MYCBP2: variants seen among roughly 807,000 people sequenced by gnomAD.
MYCBP2 encodes E3 ubiquitin-protein ligase MYCBP2.
In MYCBP2, 120 loss-of-function variants were observed where a neutral mutation model predicts 525.3. The observed-to-expected ratio is 0.23, with a 90% CI of 0.20 to 0.27. The LOEUF is 0.27. Among genes scored for constraint, MYCBP2 ranks in the 10% least tolerant of loss-of-function variants. MYCBP2 has a pLI of 1.00. For synonymous variants in MYCBP2, 1,894 were observed against 1,955.8 expected (o/e 0.97, Z 0.83); for missense variants, 4,149 against 5,657.1 (o/e 0.73, Z 8.55).
At chr13:77,235,660 T>C (rs1042861087) in intron 17 of MYCBP2, among the ~76,000 whole-genome samples, 1 of 152,124 alleles carries the variant, frequency 6.6e-6, no homozygotes, top group African/African-American at 2.4e-5. Flanking sequence ...CTGGGAACCC[T>C]TGATAAACAA....
chr13:77,047,321 T>A (rs751445208), intron 82 of MYCBP2, among the ~76,000 whole-genome samples: 1 of 152,214 alleles, frequency 6.6e-6, no homozygotes, highest in African/African-American at 2.4e-5. Flanking sequence ...GATTCTTAGA[T>A]ACCTCATCTT....
intron 14 of MYCBP2, among the ~76,000 whole-genome samples, chr13:77,255,193 GT>G (rs1341157013): frequency 6.6e-6 from 1 of 151,840 alleles, no homozygotes; most frequent in African/African-American, 2.4e-5. Flanking sequence ...AAAAATCTAT[GT>G]TTTCCATAGT....
intron 82 of MYCBP2, among the ~76,000 whole-genome samples, chr13:77,047,979 C>T (rs867809131): frequency 3.3e-5 from 5 of 152,254 alleles, no homozygotes; most frequent in East Asian, 1.9e-4. Flanking sequence ...ATTAAACTTT[C>T]GCTCTAACCT....
chr13:77,100,569 G>C (rs1185524171), intron 55 of MYCBP2, among the ~76,000 whole-genome samples: 1 of 152,084 alleles, frequency 6.6e-6, no homozygotes, highest in Admixed American at 6.6e-5. Context: ...GCAAGGGTTA[G>C]ATGCTTGCAA....
rs1281020862 is a variant in MYCBP2, at chr13:77,055,797, G to T, written c.13438-30C>A. The T allele has an allele frequency of 5.9e-6, 9 of 1,519,028 alleles. No individual in the cohort carries two copies. The Admixed American group carries it at 1.2e-4, about 21-fold the overall frequency. The allele number at this position is 1,519,028 out of a possible 1,614,324, so 94.1% of individuals were successfully genotyped here. A position where few individuals can be genotyped will look rare whatever the true frequency, so the allele number is the denominator to read the frequency against. ...AATAAAAAATGAACACTCTTTAGCA[G>T]AATCATTTATTAACCAACTCAACAA... On this transcript the variant is annotated intron_variant, in intron 79 of 82. Coordinates refer to ENST00000544440, the MANE Select transcript of MYCBP2 (RefSeq NM_015057.5).
At chr13:77,234,559 T>A in intron 17 of MYCBP2, among the ~76,000 whole-genome samples, 1 of 152,120 alleles carries the variant, frequency 6.6e-6, no homozygotes, top group African/African-American at 2.4e-5. Flanking sequence ...ATGAATAACA[T>A]ATTCTATGAC....
Position 77,326,456 on chromosome 13 carries a change from G to T in MYCBP2, c.302+18C>A. ...AAGGGCGGCATGGGGCGCAAGGAAG[G>T]GCACCCTGGGGACGCACCTGGAGGC... On this transcript the variant is annotated intron_variant, in intron 1 of 82. Coordinates refer to ENST00000544440, the MANE Select transcript of MYCBP2 (RefSeq NM_015057.5). This position sits in a 1 kb window ranked among gnomAD's most constrained non-coding sequence, Gnocchi z 4.2. The T allele has an allele frequency of 1.3e-6, 2 of 1,533,720 alleles. No individual in the cohort carries two copies. Among genetic ancestry groups the T allele is most frequent in the South Asian group, 1.2e-5 (1 of 82,504 alleles).
chr13:77,149,826 T>C (rs2056189606), intron 47 of MYCBP2, among the ~76,000 whole-genome samples: 1 of 152,220 alleles, frequency 6.6e-6, no homozygotes, highest in Admixed American at 6.5e-5. Flanking sequence ...GAATCTATCC[T>C]CATTGACAAC....
chr13:77,051,566 A>C (rs2036822722), intron 81 of MYCBP2, among the ~76,000 whole-genome samples: 1 of 152,242 alleles, frequency 6.6e-6, no homozygotes, highest in Non-Finnish European at 1.5e-5. Context: ...AACTAAGAAA[A>C]TAAGAAAATT....
At chr13:77,085,100 C>A (rs2044002529) in intron 62 of MYCBP2, among the ~76,000 whole-genome samples, 1 of 152,032 alleles carries the variant, frequency 6.6e-6, no homozygotes, top group East Asian at 1.9e-4. Context: ...CTGGCTGTTT[C>A]ATCGTAACTA....
intron 77 of MYCBP2, 87 bp downstream of exon 77, chr13:77,059,436 C>T (rs1000138145): frequency 4.4e-5 from 43 of 981,016 alleles, no homozygotes; most frequent in Middle Eastern, 4.3e-4. Flanking sequence ...GCTGGAGTGA[C>T]GCTGAGCTAA....
At position 77,163,896 on chromosome 13, in the gene MYCBP2, G is replaced by A. The variant is rs376118942; in HGVS notation, c.6547+558C>T. On this transcript the variant is annotated intron_variant, in intron 43 of 82. Coordinates refer to ENST00000544440, the MANE Select transcript of MYCBP2 (RefSeq NM_015057.5). ...TCTCCTGGTTTCTCTCCTCTTCACT[G>A]ACTGTTCCTTCACAGTCTCATCTGC... 6.6e-5 allele frequency among the ~76,000 whole-genome samples: 10 copies of A among 152,198 alleles called. No homozygotes were observed. The East Asian group carries it at 1.2e-3, about 18-fold the overall frequency.
chr13:77,176,019 C>T (rs1465254465), intron 36 of MYCBP2, among the ~76,000 whole-genome samples: 1 of 142,898 alleles, frequency 7.0e-6, no homozygotes, highest in Non-Finnish European at 1.5e-5. Flanking sequence ...AACAAAAACA[C>T]TTTTTTTTTT....
At chr13:77,162,408 T>C (rs145814887) in intron 43 of MYCBP2, among the ~76,000 whole-genome samples, 3 of 152,350 alleles carry the variant, frequency 2.0e-5, no homozygotes, top group African/African-American at 7.2e-5. Context: ...CTTTATTAGT[T>C]AATATAGAAC....
rs2046083519 is a variant in MYCBP2, at chr13:77,095,348, A to AT, written c.10199+9dup. ...AAGGTGATTAAAAAACAACAGCAAA[A>AT]TTTTATTACCTAGCTAATGTCTGCA... On this transcript the variant is annotated intron_variant, in intron 58 of 82. Coordinates refer to ENST00000544440, the MANE Select transcript of MYCBP2 (RefSeq NM_015057.5). 6.2e-7 allele frequency: 1 copy of AT among 1,612,498 alleles called. No individual in the cohort carries two copies. Among genetic ancestry groups the AT allele is most frequent in the South Asian group, 1.1e-5 (1 of 91,036 alleles).
Position 77,326,344 on chromosome 13 carries a change from A to C in MYCBP2, c.302+130T>G. On this transcript the variant is annotated intron_variant, in intron 1 of 82. Transcript: ENST00000544440. The surrounding 1 kb of genome is among the most constrained non-coding windows in gnomAD (Gnocchi z 4.2). Reference sequence around the variant, plus strand: ...TAAGTGCTCCTGCCAACAGACATCCAGAGCGGACTGAAAGCTCAATAAATG... The same window carrying C: ...TAAGTGCTCCTGCCAACAGACATCCCGAGCGGACTGAAAGCTCAATAAATG... 2.2e-6 allele frequency: 2 copies of C among 906,602 alleles called. No individual in the cohort carries two copies. The highest frequency in any genetic ancestry group is 1.6e-6 in the Non-Finnish European group (1 of 633,958). The allele number at this position is 906,602 out of a possible 1,614,324, so 56.2% of individuals were successfully genotyped here. A position where few individuals can be genotyped will look rare whatever the true frequency, so the allele number is the denominator to read the frequency against.
intron 46 of MYCBP2, among the ~76,000 whole-genome samples, chr13:77,154,535 T>C (rs2056974778): frequency 6.6e-6 from 1 of 151,404 alleles, no homozygotes; most frequent in Non-Finnish European, 1.5e-5. Context: ...AAAGAGATAA[T>C]AAAAGGTGCA....
chr13:77,307,135 T>A (rs767853549), intron 1 of MYCBP2, among the ~76,000 whole-genome samples: 3 of 152,008 alleles, frequency 2.0e-5, no homozygotes, highest in Non-Finnish European at 2.9e-5. Flanking sequence ...AGGCTAAAAA[T>A]ATGTCCCTGA....
intron 37 of MYCBP2, among the ~76,000 whole-genome samples, chr13:77,172,347 G>A (rs1200537932): frequency 1.3e-5 from 2 of 152,184 alleles, no homozygotes; most frequent in Admixed American, 1.3e-4. Flanking sequence ...TGATGGGTGG[G>A]AAGGGAAACA....
Sources: gnomAD v4.1 joint callset for allele counts (sites outside exome capture counted in the v4.1 genomes callset) on GRCh38, gnomAD v4.1.1 for gene constraint, Gnocchi (gnomAD v3.1) non-coding constraint, MANE v1.5 for transcripts, NCBI Gene and HGNC (gene_info 2026-07-23, HGNC 2026-07-21) for gene names.